EEIG1: variants seen among roughly 807,000 people sequenced by gnomAD.
EEIG1 encodes the protein estrogen-induced osteoclastogenesis regulator 1.
chr9:127,953,300 A>G, the EEIG1 span: 1 of 510,856 alleles, frequency 2.0e-6, no homozygotes, highest in Non-Finnish European at 3.4e-6. Context: ...CTATCCAATA[A>G]TGGGGTCCCA....
the EEIG1 span, among the ~76,000 whole-genome samples, chr9:127,968,254 G>A: frequency 1.3e-5 from 2 of 152,026 alleles, no homozygotes; most frequent in African/African-American, 2.4e-5. Context: ...GAGGAGGAAC[G>A]GATTCCCATC....
chr9:127,971,470 A>C, the EEIG1 span, among the ~76,000 whole-genome samples: 1 of 133,690 alleles, frequency 7.5e-6, no homozygotes, highest in African/African-American at 2.8e-5. Context: ...CCGTGGAGGC[A>C]CCCAGCTGTC....
chr9:127,974,463 C>G, the EEIG1 span, among the ~76,000 whole-genome samples: 1 of 152,214 alleles, frequency 6.6e-6, no homozygotes, highest in East Asian at 1.9e-4. Flanking sequence ...AAAGGCTTAT[C>G]CCGATCTCTT....
chr9:127,975,436 G>A, the EEIG1 span, among the ~76,000 whole-genome samples: 1 of 152,122 alleles, frequency 6.6e-6, no homozygotes. Flanking sequence ...TGGACAGTCT[G>A]GCACCCAAGT....
At chr9:127,965,970 C>A in the EEIG1 span, among the ~76,000 whole-genome samples, 2 of 152,228 alleles carry the variant, frequency 1.3e-5, no homozygotes, top group African/African-American at 4.8e-5. Flanking sequence ...CTCTGGCCAA[C>A]ACTGGAGCAC....
the EEIG1 span, chr9:127,945,504 G>A: frequency 1.3e-6 from 2 of 1,569,284 alleles, no homozygotes; most frequent in East Asian, 2.4e-5. This position sits in a 1 kb window ranked among gnomAD's most constrained non-coding sequence, Gnocchi z 6.5. Flanking sequence ...TGGTGGACGT[G>A]TTGCGGCGGT....
chr9:127,942,107 G>C, the EEIG1 span: 1 of 152,722 alleles, frequency 6.5e-6, no homozygotes, highest in African/African-American at 2.4e-5. Context: ...TGCCCAGAAC[G>C]GGGGATGCTT....
At chr9:127,944,693 A>G in the EEIG1 span, 8 of 1,612,732 alleles carry the variant, frequency 5.0e-6, no homozygotes, top group African/African-American at 1.3e-5. Flanking sequence ...GTCTGTGGGG[A>G]CACAGGAGAG....
the EEIG1 span, among the ~76,000 whole-genome samples, chr9:127,973,353 G>A: frequency 1.3e-5 from 2 of 152,144 alleles, no homozygotes; most frequent in Non-Finnish European, 2.9e-5. The surrounding 1 kb of genome is among the most constrained non-coding windows in gnomAD (Gnocchi z 4.2). Context: ...GGGCCCCCCT[G>A]CCACCCCTGG....
At chr9:127,948,525 T>C in the EEIG1 span, 3 of 1,041,460 alleles carry the variant, frequency 2.9e-6, no homozygotes, top group Non-Finnish European at 4.4e-6. Flanking sequence ...ATTCCAATCC[T>C]GTCTCTCTGC....
At chr9:127,953,615 A>G in the EEIG1 span, 1 of 1,613,906 alleles carries the variant, frequency 6.2e-7, no homozygotes, top group Non-Finnish European at 8.5e-7. Flanking sequence ...CTGCACAGGG[A>G]GGGAGACACA....
At chr9:127,943,086 T>G in the EEIG1 span, 387 of 997,200 alleles carry the variant, frequency 3.9e-4, no homozygotes, top group Non-Finnish European at 5.5e-4. Context: ...GAGGCATGGA[T>G]GAGATGTGGC....
chr9:127,948,540 T>C, the EEIG1 span: 1 of 939,280 alleles, frequency 1.1e-6, no homozygotes, highest in South Asian at 1.5e-5. Context: ...CTCTGCCCCC[T>C]CCTGGCTTGG....
At chr9:127,944,706 T>A in the EEIG1 span, 18 of 1,612,802 alleles carry the variant, frequency 1.1e-5, no homozygotes, top group Non-Finnish European at 8.5e-6. Flanking sequence ...CAGGAGAGGA[T>A]GGAGGCTGAG....
At chr9:127,941,481 G>C in the EEIG1 span, 3 of 152,608 alleles carry the variant, frequency 2.0e-5, no homozygotes, top group African/African-American at 7.2e-5. Flanking sequence ...GGACTCTCAG[G>C]GCTGAGCAGA....
the EEIG1 span, chr9:127,979,862 C>G: frequency 8.5e-7 from 1 of 1,176,774 alleles, no homozygotes; most frequent in Admixed American, 3.0e-5. Flanking sequence ...CCTTGTGCAA[C>G]CTGCCCCAGG....
the EEIG1 span, among the ~76,000 whole-genome samples, chr9:127,950,046 C>T: frequency 1.2e-3 from 183 of 152,352 alleles, no homozygotes; most frequent in African/African-American, 4.3e-3. Context: ...AATGACTTAA[C>T]GTCTGTGCCT....
At chr9:127,945,449 C>T in the EEIG1 span, 8 of 1,563,236 alleles carry the variant, frequency 5.1e-6, no homozygotes, top group Non-Finnish European at 6.9e-6. This position sits in a 1 kb window ranked among gnomAD's most constrained non-coding sequence, Gnocchi z 6.5. Context: ...TCACTGCCCT[C>T]AGGGCCCTCC....
chr9:127,948,476 C>G, the EEIG1 span: 1 of 1,534,706 alleles, frequency 6.5e-7, no homozygotes, highest in Non-Finnish European at 9.0e-7. Context: ...GGCGCAGGGC[C>G]CCCTGCAGCC....
Sources: allele counts gnomAD v4.1 joint callset (sites outside exome capture counted in the v4.1 genomes callset), GRCh38; gene constraint gnomAD v4.1.1; non-coding constraint Gnocchi (gnomAD v3.1); transcripts MANE v1.5; gene names NCBI Gene and HGNC (gene_info 2026-07-23, HGNC 2026-07-21).